The following NOL4 variants were observed in gnomAD, a reference collection of about 807,000 sequenced individuals.
The protein encoded by NOL4 is nucleolar protein 4.
A neutral mutation model predicts 75.9 loss-of-function variants in NOL4; 17 were observed. That is an observed-to-expected ratio of 0.22 (90% confidence interval 0.15 to 0.34). The LOEUF is 0.34. Ranked by LOEUF, NOL4 falls within the 10% of genes least tolerant of loss-of-function variation. NOL4 has a pLI of 1.00. For synonymous variants in NOL4, 292 were observed against 289.9 expected (o/e 1.01, Z -0.07); for missense variants, 614 against 793.5 (o/e 0.77, Z 2.72).
At chr18:34,201,337 C>T (rs919340212) in intron 1 of NOL4, among the ~76,000 whole-genome samples, 41 of 151,714 alleles carry the variant, frequency 2.7e-4, no homozygotes, top group African/African-American at 9.4e-4. Flanking sequence ...GGCACAGAGA[C>T]ATTAAGTAAC....
At chr18:33,919,194 C>T (rs976262926) in intron 9 of NOL4, among the ~76,000 whole-genome samples, 2 of 152,256 alleles carry the variant, frequency 1.3e-5, no homozygotes, top group African/African-American at 2.4e-5. Context: ...GTTGCCATTG[C>T]TATAGCACAG....
intron 6 of NOL4, among the ~76,000 whole-genome samples, chr18:33,972,953 C>T (rs944116019): frequency 2.0e-5 from 3 of 152,162 alleles, no homozygotes; most frequent in African/African-American, 7.2e-5. Context: ...GTGGCTGTGA[C>T]AGTTTCTTGA....
chr18:33,975,971 G>A (rs1394095178), intron 6 of NOL4, among the ~76,000 whole-genome samples: 1 of 152,116 alleles, frequency 6.6e-6, no homozygotes, highest in East Asian at 1.9e-4. Context: ...TTTTTATTCT[G>A]ATGAATGTAA....
intron 1 of NOL4, among the ~76,000 whole-genome samples, chr18:34,153,607 T>C (rs1382869904): frequency 6.6e-6 from 1 of 151,956 alleles, no homozygotes; most frequent in Non-Finnish European, 1.5e-5. Context: ...AATATGGCAC[T>C]TCTTGGAGAT....
chr18:34,042,247 G>C (rs1322548572), intron 5 of NOL4, among the ~76,000 whole-genome samples: 1 of 151,864 alleles, frequency 6.6e-6, no homozygotes, highest in African/African-American at 2.4e-5. Context: ...CATACACAAA[G>C]AGGCAAGCTC....
intron 2 of NOL4, among the ~76,000 whole-genome samples, chr18:34,106,411 A>G (rs1383545391): frequency 1.3e-5 from 2 of 152,082 alleles, no homozygotes; most frequent in Non-Finnish European, 2.9e-5. Flanking sequence ...AAAAGAAGCC[A>G]TAAGAATACT....
chr18:34,108,933 C>A (rs1483411821), intron 2 of NOL4, among the ~76,000 whole-genome samples: 1 of 152,060 alleles, frequency 6.6e-6, no homozygotes, highest in Non-Finnish European at 1.5e-5. Flanking sequence ...CAGGATAGAT[C>A]ATATGTTAGG....
At chr18:34,129,747 G>T in intron 2 of NOL4, 124 bp downstream of exon 2, 1 of 821,414 alleles carries the variant, frequency 1.2e-6, no homozygotes, top group Non-Finnish European at 1.7e-6. Flanking sequence ...TGTTGGGCAT[G>T]ACCATCATAT....
At chr18:34,016,524 C>G (rs1568219577) in intron 6 of NOL4, among the ~76,000 whole-genome samples, 1 of 152,060 alleles carries the variant, frequency 6.6e-6, no homozygotes, top group Admixed American at 6.6e-5. Flanking sequence ...CCATGCTAAG[C>G]TCCTTGCAAA....
intron 10 of NOL4, among the ~76,000 whole-genome samples, chr18:33,879,677 T>A (rs1205660686): frequency 6.6e-6 from 1 of 152,020 alleles, no homozygotes; most frequent in African/African-American, 2.4e-5. Flanking sequence ...TGAAACCCTG[T>A]CCTAAAAATA....
chr18:34,129,598 A>G (rs2080542155), intron 2 of NOL4, among the ~76,000 whole-genome samples: 1 of 151,448 alleles, frequency 6.6e-6, no homozygotes, highest in Admixed American at 6.6e-5. Context: ...TATATAATAT[A>G]TGTCCCCATT....
intron 5 of NOL4, among the ~76,000 whole-genome samples, chr18:34,089,001 G>C (rs1201280804): frequency 6.6e-6 from 1 of 151,976 alleles, no homozygotes; most frequent in African/African-American, 2.4e-5. Flanking sequence ...TTTTCTGAGT[G>C]TATACATATC....
At chr18:33,908,884 T>C (rs988410898) in intron 9 of NOL4, among the ~76,000 whole-genome samples, 2 of 152,148 alleles carry the variant, frequency 1.3e-5, no homozygotes, top group Non-Finnish European at 2.9e-5. Flanking sequence ...TCTTTGTTAA[T>C]ATTCCCTTGT....
At chr18:34,149,647 T>G (rs977067666) in intron 1 of NOL4, among the ~76,000 whole-genome samples, 2 of 151,638 alleles carry the variant, frequency 1.3e-5, no homozygotes, top group Non-Finnish European at 3.0e-5. Context: ...TAATATCCCA[T>G]TGCATGATGA....
intron 1 of NOL4, among the ~76,000 whole-genome samples, chr18:34,187,100 GTTGTGACAAATAACA>G (rs1209829545): frequency 6.6e-6 from 1 of 152,082 alleles, no homozygotes; most frequent in Non-Finnish European, 1.5e-5. Flanking sequence ...AATTTTATGG[GTTGTGACAAATAACA>G]TGTATCCACC....
chr18:33,858,677 T>C (rs553733274), intron 10 of NOL4, among the ~76,000 whole-genome samples: 2 of 152,216 alleles, frequency 1.3e-5, no homozygotes, highest in Admixed American at 6.5e-5. Flanking sequence ...AGTAGCATCA[T>C]AAAATGAGCT....
At chr18:34,171,988 C>A (rs2033088732) in intron 1 of NOL4, among the ~76,000 whole-genome samples, 1 of 152,026 alleles carries the variant, frequency 6.6e-6, no homozygotes, top group Admixed American at 6.6e-5. Context: ...GAAGCCTTGC[C>A]TGTACAAAAG....
At chr18:34,067,082 T>C (rs896381113) in intron 5 of NOL4, among the ~76,000 whole-genome samples, 1 of 152,130 alleles carries the variant, frequency 6.6e-6, no homozygotes, top group Non-Finnish European at 1.5e-5. Context: ...CTAAAGTAAG[T>C]TATATAGATA....
At chr18:33,943,028 T>C (rs751260278) in intron 9 of NOL4, 37 bp downstream of exon 9, 23 of 1,301,386 alleles carry the variant, frequency 1.8e-5, no homozygotes, top group Admixed American at 1.0e-4. Context: ...ACATTTGCTA[T>C]AGCTGGTGTT....
Sources: allele counts gnomAD v4.1 joint callset (sites outside exome capture counted in the v4.1 genomes callset), GRCh38; gene constraint gnomAD v4.1.1; transcripts MANE v1.5; gene names NCBI Gene and HGNC (gene_info 2026-07-23, HGNC 2026-07-21).